B3GALT1: variants seen among roughly 807,000 people sequenced by gnomAD.
The protein encoded by B3GALT1 is UDP-Gal:betaGlcNAc beta 1,3-galactosyltransferase, polypeptide 1.
A neutral mutation model predicts 23.2 loss-of-function variants in B3GALT1; 10 were observed. That is an observed-to-expected ratio of 0.43 (90% CI 0.27 to 0.73). The LOEUF is 0.73. Ranked by LOEUF, B3GALT1 falls within the 30% of genes least tolerant of loss-of-function variation. The probability of loss-of-function intolerance (pLI) is 0.21; values close to 1 mark genes in which losing one functional copy is unlikely to be tolerated. For synonymous variants in B3GALT1, 156 were observed against 141.5 expected, an observed-to-expected ratio of 1.10 and a Z score of -0.73; for missense variants, 299 against 405.4, an observed-to-expected ratio of 0.74 and a Z score of 2.25.
At chr2:167,331,564 G>T (rs988574362) in intron 1 of B3GALT1, among the ~76,000 whole-genome samples, 2 of 152,204 alleles carry the variant, frequency 1.3e-5, no homozygotes, top group Non-Finnish European at 2.9e-5. Flanking sequence ...AGTTGTGGCA[G>T]GTTGAGTGGG....
intron 1 of B3GALT1, among the ~76,000 whole-genome samples, chr2:167,443,397 T>G (rs1315459945): frequency 6.6e-6 from 1 of 152,200 alleles, no homozygotes; most frequent in Non-Finnish European, 1.5e-5. Flanking sequence ...AGTAGTTTCT[T>G]CCAATTCTGT....
intron 3 of B3GALT1, among the ~76,000 whole-genome samples, chr2:167,797,572 T>C (rs1303807136): frequency 6.6e-6 from 1 of 152,252 alleles, no homozygotes; most frequent in African/African-American, 2.4e-5. Context: ...CCACAGTGGT[T>C]GAACTGATTT....
At chr2:167,548,159 A>G (rs1437266562) in intron 2 of B3GALT1, among the ~76,000 whole-genome samples, 7 of 152,234 alleles carry the variant, frequency 4.6e-5, no homozygotes, top group Non-Finnish European at 1.0e-4. Context: ...AGAAAAAGCA[A>G]GCAGAGAGAA....
chr2:167,470,276 T>C (rs1327688278), intron 1 of B3GALT1, among the ~76,000 whole-genome samples: 1 of 152,174 alleles, frequency 6.6e-6, no homozygotes, highest in Non-Finnish European at 1.5e-5. Flanking sequence ...TACTGTCAGA[T>C]CATTCCAGAA....
At chr2:167,762,451 C>G (rs1247549539) in intron 3 of B3GALT1, among the ~76,000 whole-genome samples, 1 of 152,036 alleles carries the variant, frequency 6.6e-6, no homozygotes, top group Non-Finnish European at 1.5e-5. Context: ...AAAACAGGTC[C>G]TCTTCCTCTG....
chr2:167,487,321 A>G (rs576791397), intron 1 of B3GALT1, among the ~76,000 whole-genome samples: 5 of 152,336 alleles, frequency 3.3e-5, no homozygotes, highest in African/African-American at 1.2e-4. Flanking sequence ...AATATAAAAC[A>G]TTCAACATCC....
At chr2:167,349,203 A>G (rs1397710926) in intron 1 of B3GALT1, among the ~76,000 whole-genome samples, 2 of 152,184 alleles carry the variant, frequency 1.3e-5, no homozygotes, top group African/African-American at 4.8e-5. Flanking sequence ...CTAAGTTTTA[A>G]ATTGCACTCT....
intron 1 of B3GALT1, among the ~76,000 whole-genome samples, chr2:167,471,405 C>T (rs926117412): frequency 1.3e-5 from 2 of 152,158 alleles, no homozygotes; most frequent in African/African-American, 4.8e-5. Context: ...ACCCCATCTT[C>T]TAAATTACCC....
At chr2:167,475,995 T>A (rs1383517655) in intron 1 of B3GALT1, among the ~76,000 whole-genome samples, 1 of 152,136 alleles carries the variant, frequency 6.6e-6, no homozygotes. Flanking sequence ...TTCTTCTTTT[T>A]ACAAAGACAC....
At chr2:167,493,311 G>A (rs554910475) in intron 2 of B3GALT1, among the ~76,000 whole-genome samples, 11 of 152,138 alleles carry the variant, frequency 7.2e-5, no homozygotes, top group Non-Finnish European at 1.2e-4. Flanking sequence ...TTTCTCCAGT[G>A]TAAGGACCAC....
At chr2:167,656,371 G>A (rs873159) in intron 3 of B3GALT1, among the ~76,000 whole-genome samples, 1 of 152,102 alleles carries the variant, frequency 6.6e-6, no homozygotes, top group East Asian at 1.9e-4. Flanking sequence ...GCAAAGTGAC[G>A]ACAGCAAATT....
chr2:167,536,852 C>A (rs1683437789), intron 2 of B3GALT1, among the ~76,000 whole-genome samples: 1 of 152,070 alleles, frequency 6.6e-6, no homozygotes, highest in Non-Finnish European at 1.5e-5. Flanking sequence ...AGAAACTGAC[C>A]CACTAAAGTT....
chr2:167,409,583 T>C (rs1698360194), intron 1 of B3GALT1, among the ~76,000 whole-genome samples: 1 of 151,998 alleles, frequency 6.6e-6, no homozygotes, highest in Admixed American at 6.6e-5. Context: ...TTTCTTGTGC[T>C]GTGTTTTTCA....
At chr2:167,803,149 A>G (rs1210423512) in intron 3 of B3GALT1, among the ~76,000 whole-genome samples, 3 of 151,382 alleles carry the variant, frequency 2.0e-5, no homozygotes, top group Non-Finnish European at 4.4e-5. Context: ...GAATGGTTTC[A>G]GAATACAGAA....
At chr2:167,325,515 A>G (rs1400627077) in intron 1 of B3GALT1, among the ~76,000 whole-genome samples, 1 of 151,986 alleles carries the variant, frequency 6.6e-6, no homozygotes, top group Non-Finnish European at 1.5e-5. Context: ...AAGGGGGATG[A>G]TGATAAACCA....
rs62196704 is a variant in B3GALT1, at chr2:167,610,930, G to A, written c.-409-35979G>A. Among the ~76,000 whole-genome samples the A allele has an allele frequency of 2.4e-3, 118 of 49,608 alleles. 1 individual carries two copies. The highest frequency in any genetic ancestry group is 5.6e-3 in the East Asian group (8 of 1,428). 32.5% of individuals were successfully genotyped at this position (49,608 alleles called of 152,430 possible). A position where few individuals can be genotyped will look rare whatever the true frequency, so the allele number is the denominator to read the frequency against. ...TTGTACAAAAAAAAAAAAAAAAAGA[G>A]AGAGAGAGAGAAAAGCCAAACAACA... On this transcript the variant is annotated intron_variant, in intron 2 of 4. Transcript: ENST00000392690.
intron 2 of B3GALT1, among the ~76,000 whole-genome samples, chr2:167,600,084 G>C (rs1684848555): frequency 6.6e-6 from 1 of 152,004 alleles, no homozygotes; most frequent in South Asian, 2.1e-4. Context: ...TTTCTTTTCT[G>C]ATGGAGACAG....
At chr2:167,641,709 C>G (rs973642367) in intron 2 of B3GALT1, among the ~76,000 whole-genome samples, 1 of 152,092 alleles carries the variant, frequency 6.6e-6, no homozygotes, top group Admixed American at 6.6e-5. Flanking sequence ...TGTAATGGGA[C>G]TGGCCTTGGT....
intron 3 of B3GALT1, among the ~76,000 whole-genome samples, chr2:167,682,181 C>T (rs995375058): frequency 2.6e-5 from 4 of 152,080 alleles, no homozygotes; most frequent in African/African-American, 4.8e-5. Context: ...TGTCTATTCC[C>T]GGCTAGCTCC....
Sources: gnomAD v4.1 joint callset for allele counts (sites outside exome capture counted in the v4.1 genomes callset) on GRCh38, gnomAD v4.1.1 for gene constraint, MANE v1.5 for transcripts, NCBI Gene and HGNC (gene_info 2026-07-23, HGNC 2026-07-21) for gene names.